Variants in NYAP2 observed in about 807,000 individuals in gnomAD.
NYAP2 encodes neuronal tyrosine-phosphorylated phosphoinositide-3-kinase adaptor 2.
In NYAP2, 23 loss-of-function variants were observed where a neutral mutation model predicts 50.4. The observed-to-expected ratio is 0.46, with a 90% CI of 0.33 to 0.65. The LOEUF is 0.65. Ranked by LOEUF, NYAP2 falls within the 30% of genes least tolerant of loss-of-function variation. The pLI is 0.02. For missense variants in NYAP2, 885 were observed against 861.0 expected (o/e 1.03, Z -0.35); for synonymous variants, 394 against 365.2 (o/e 1.08, Z -0.90).
At chr2:225,541,389 C>T (rs1429898868) in intron 4 of NYAP2, among the ~76,000 whole-genome samples, 1 of 151,946 alleles carries the variant, frequency 6.6e-6, no homozygotes, top group Non-Finnish European at 1.5e-5. Context: ...GGAGAGTTTC[C>T]CCAATGTTTA....
intron 4 of NYAP2, among the ~76,000 whole-genome samples, chr2:225,545,298 C>G (rs1377697284): frequency 6.6e-6 from 1 of 152,128 alleles, no homozygotes; most frequent in African/African-American, 2.4e-5. Context: ...TTCTCTACGT[C>G]CTCTTTAAGG....
At chr2:225,495,881 G>A (rs1219642272) in intron 3 of NYAP2, among the ~76,000 whole-genome samples, 1 of 152,168 alleles carries the variant, frequency 6.6e-6, no homozygotes, top group Non-Finnish European at 1.5e-5. Flanking sequence ...GACCAAATCT[G>A]GTTTGTTGCT....
At chr2:225,653,653 A>G (rs951887761) in exon 7 of NYAP2, 1 of 152,218 alleles carries the variant, frequency 6.6e-6, no homozygotes, top group South Asian at 2.1e-4. Flanking sequence ...TATACTCTAG[A>G]GATGAAGTGG....
At position 225,582,500 on chromosome 2, in the gene NYAP2, G is replaced by T; in HGVS notation, c.1083G>T (p.Thr361=). The T allele has an allele frequency of 6.7e-7, 1 of 1,496,728 alleles. No individual in the cohort carries two copies. The highest frequency in any genetic ancestry group is 2.0e-5 in the Admixed American group (1 of 49,670). The allele number at this position is 1,496,728 out of a possible 1,614,324, so 92.7% of individuals were successfully genotyped here. A position where few individuals can be genotyped will look rare whatever the true frequency, so the allele number is the denominator to read the frequency against. ...CCCCGCTTACCCCTCTGGAGGTCAC[G>T]AAGCTTCCCGTGCTGGAAAACGTGT... is the stretch of plus-strand genomic sequence containing the variant. The change falls in exon 5 of 7, where the codon ACG becomes ACT. Residue 361 remains threonine (T), a synonymous_variant. Transcript: ENST00000636099. This position sits in a 1 kb window ranked among gnomAD's most constrained non-coding sequence, Gnocchi z 7.0.
At chr2:225,679,855 T>C in the NYAP2 span, among the ~76,000 whole-genome samples, 1 of 152,152 alleles carries the variant, frequency 6.6e-6, no homozygotes, top group Non-Finnish European at 1.5e-5. Context: ...TGAAATAATG[T>C]ATTTGCATGT....
intron 6 of NYAP2, among the ~76,000 whole-genome samples, chr2:225,638,203 G>A (rs1384672719): frequency 2.0e-5 from 3 of 150,836 alleles, no homozygotes; most frequent in African/African-American, 4.9e-5. Context: ...GTGTGGGAGG[G>A]GGGTGAGAGA....
chr2:225,605,171 C>T (rs1210733029), intron 5 of NYAP2, among the ~76,000 whole-genome samples: 2 of 152,020 alleles, frequency 1.3e-5, no homozygotes, highest in African/African-American at 2.4e-5. Context: ...TGCCTGAATG[C>T]CTCTGATTCT....
chr2:225,486,643 A>G (rs1299800707), intron 3 of NYAP2, among the ~76,000 whole-genome samples: 1 of 152,206 alleles, frequency 6.6e-6, no homozygotes, highest in African/African-American at 2.4e-5. Flanking sequence ...TTGCTCATCT[A>G]AATTCATTGT....
chr2:225,414,431 G>A (rs571247273), intron 3 of NYAP2, among the ~76,000 whole-genome samples: 185 of 152,178 alleles, frequency 1.2e-3, no homozygotes, highest in Non-Finnish European at 2.3e-3. Context: ...ACTTTTTTAT[G>A]AAAAACCTAT....
chr2:225,461,377 G>A (rs1383506187), intron 3 of NYAP2, among the ~76,000 whole-genome samples: 1 of 152,188 alleles, frequency 6.6e-6, no homozygotes, highest in Non-Finnish European at 1.5e-5. Flanking sequence ...ATCTGTCCTT[G>A]TAAAGTGGCA....
intron 4 of NYAP2, among the ~76,000 whole-genome samples, chr2:225,532,987 C>T (rs931085429): frequency 2.6e-5 from 4 of 152,124 alleles, no homozygotes; most frequent in African/African-American, 4.8e-5. Flanking sequence ...CCTTAAAAGT[C>T]ATGACAACCC....
intron 3 of NYAP2, among the ~76,000 whole-genome samples, chr2:225,507,367 G>A (rs1156763067): frequency 6.6e-6 from 1 of 152,186 alleles, no homozygotes; most frequent in African/African-American, 2.4e-5. Flanking sequence ...AAAGGAAGCA[G>A]TTCTCATAAG....
intron 3 of NYAP2, among the ~76,000 whole-genome samples, chr2:225,413,772 T>C (rs1695083718): frequency 6.6e-6 from 1 of 152,212 alleles, no homozygotes; most frequent in South Asian, 2.1e-4. Context: ...AAACATAGTC[T>C]AATTACTTAA....
the NYAP2 span, among the ~76,000 whole-genome samples, chr2:225,674,951 C>A: frequency 6.6e-6 from 1 of 151,948 alleles, no homozygotes; most frequent in Admixed American, 6.6e-5. Flanking sequence ...GGCAAGCCCC[C>A]AGTCTTATGT....
the NYAP2 span, among the ~76,000 whole-genome samples, chr2:225,697,619 A>C: frequency 6.6e-6 from 1 of 151,992 alleles, no homozygotes; most frequent in Non-Finnish European, 1.5e-5. Context: ...CCTCACTGAA[A>C]AGTAATTCCA....
the NYAP2 span, among the ~76,000 whole-genome samples, chr2:225,674,416 G>T: frequency 3.3e-5 from 5 of 152,126 alleles, no homozygotes; most frequent in East Asian, 9.7e-4. Flanking sequence ...TGCTGTGGCT[G>T]TAGGAAGGGT....
chr2:225,672,742 T>C, the NYAP2 span, among the ~76,000 whole-genome samples: 1 of 152,028 alleles, frequency 6.6e-6, no homozygotes, highest in African/African-American at 2.4e-5. Context: ...GAGGCCACTG[T>C]AGGGTTATTA....
intron 4 of NYAP2, among the ~76,000 whole-genome samples, chr2:225,542,118 C>A (rs777776321): frequency 6.6e-6 from 1 of 151,890 alleles, no homozygotes; most frequent in African/African-American, 2.4e-5. Context: ...TTTGTATGTT[C>A]ATTTTGTATC....
chr2:225,693,978 C>T, the NYAP2 span, among the ~76,000 whole-genome samples: 1 of 152,140 alleles, frequency 6.6e-6, no homozygotes, highest in East Asian at 1.9e-4. Flanking sequence ...TTTCCATGGA[C>T]TTATTATCCA....
Sources: gnomAD v4.1 joint callset for allele counts (sites outside exome capture counted in the v4.1 genomes callset) on GRCh38, gnomAD v4.1.1 for gene constraint, Gnocchi (gnomAD v3.1) non-coding constraint, MANE v1.5 for transcripts, NCBI Gene and HGNC (gene_info 2026-07-23, HGNC 2026-07-21) for gene names.